The following SMTN variants were observed in gnomAD, a reference collection of about 807,000 sequenced individuals.
The protein encoded by SMTN is smoothelin.
SMTN carries 58 observed loss-of-function variants against 102.0 expected under a neutral mutation model. That is an observed-to-expected ratio of 0.57 (90% CI 0.46 to 0.71). The LOEUF is 0.71. Ranked by LOEUF, SMTN falls within the 30% of genes least tolerant of loss-of-function variation. The probability of loss-of-function intolerance (pLI) is 0.00; values close to 1 mark genes in which losing one functional copy is unlikely to be tolerated. For missense variants in SMTN, 1,185 were observed against 1,241.7 expected (o/e 0.95, Z 0.69); for synonymous variants, 478 against 497.9 (o/e 0.96, Z 0.53).
intron 1 of SMTN, among the ~76,000 whole-genome samples, chr22:31,069,688 C>T (rs1466375001): frequency 2.6e-5 from 4 of 152,202 alleles, no homozygotes; most frequent in East Asian, 3.9e-4. Flanking sequence ...AACGAACTCA[C>T]GGCCACAGGC....
At chr22:31,071,728 C>G (rs1850100438) in intron 1 of SMTN, among the ~76,000 whole-genome samples, 1 of 145,830 alleles carries the variant, frequency 6.9e-6, no homozygotes, top group Admixed American at 6.8e-5. Flanking sequence ...CAGAGTTTCA[C>G]TCTGATACCC....
chr22:31,096,725 C>T lies in SMTN; in HGVS notation c.1862-8C>T. On this transcript the variant is annotated splice_region_variant and splice_polypyrimidine_tract_variant and intron_variant, in intron 13 of 20. Coordinates refer to ENST00000333137, the MANE Select transcript of SMTN (RefSeq NM_134269.3). Reference sequence around the variant, plus strand: ...CTTTTGCGCATGCATGGGGCATCCCCTGCCCAGACCAGCGGGACAAGGAGC... The same window carrying T: ...CTTTTGCGCATGCATGGGGCATCCCTTGCCCAGACCAGCGGGACAAGGAGC... The T allele has an allele frequency of 6.5e-7, 1 of 1,539,058 alleles. No individual in the cohort carries two copies. The highest frequency in any genetic ancestry group is 1.7e-4 in the Middle Eastern group (1 of 5,740).
Position 31,096,715 on chromosome 22 carries a change from G to A in SMTN, c.1862-18G>A. 1 of 1,517,880 alleles carries A rather than the reference G, an allele frequency of 6.6e-7. No individual in the cohort carries two copies. The highest frequency in any genetic ancestry group is 8.8e-7 in the Non-Finnish European group (1 of 1,138,324). 94.0% of individuals were successfully genotyped at this position (1,517,880 alleles called of 1,614,324 possible). On this transcript the variant is annotated intron_variant, in intron 13 of 20. Coordinates refer to ENST00000333137, the MANE Select transcript of SMTN (RefSeq NM_134269.3). ...GTTGGTGGCCCTTTTGCGCATGCATGGGGCATCCCCTGCCCAGACCAGCGG... is the reference window on the plus strand; with the variant it reads ...GTTGGTGGCCCTTTTGCGCATGCATAGGGCATCCCCTGCCCAGACCAGCGG...
chr22:31,091,628 C>A, intron 10 of SMTN, 47 bp from the exon 11 acceptor site: 1 of 1,547,368 alleles, frequency 6.5e-7, no homozygotes, highest in Non-Finnish European at 8.8e-7. Flanking sequence ...CTGGCACTGC[C>A]CTCACTCCAC....
At chr22:31,081,166 AGGGGCGGGGCCTTCCTCTC>A (rs1465402505), upstream of SMTN, among the ~76,000 whole-genome samples, 2 of 150,160 alleles carry the variant, frequency 1.3e-5, no homozygotes, top group Admixed American at 6.6e-5. Context: ...CTGGCCCGCG[AGGGGCGGGGCCTTCCTCTC>A]GGGGCGTGGC....
At position 31,090,798 on chromosome 22, in the gene SMTN, A is replaced by C; in HGVS notation, c.866-10A>C. 1 of 1,611,196 alleles carries C rather than the reference A, an allele frequency of 6.2e-7. No homozygotes were observed. Among genetic ancestry groups the C allele is most frequent in the Non-Finnish European group, 8.5e-7 (1 of 1,177,606 alleles). ...CCCACATGGCCATCACCCCCTCCCC[A>C]ACCTGCCAGACGTGGCTGGACCCCG... is the stretch of plus-strand genomic sequence containing the variant. On this transcript the variant is annotated splice_polypyrimidine_tract_variant and intron_variant, in intron 8 of 20. Coordinates refer to ENST00000333137, the MANE Select transcript of SMTN (RefSeq NM_134269.3).
intron 1 of SMTN, chr22:31,082,844 A>G: frequency 6.6e-7 from 1 of 1,516,726 alleles, no homozygotes; most frequent in Non-Finnish European, 8.9e-7. Context: ...GGTGGTAAGC[A>G]CAGCTTGGGT....
At position 31,081,405 on chromosome 22, in the gene SMTN, T is replaced by G. The variant is rs1352730114; in HGVS notation, c.-132T>G. ...GCGCGTGTCTAATCCGTCTGTCGGGTCCCGAAAGAGCTAAGCCGAGCCTGC... is the reference window on the plus strand; with the variant it reads ...GCGCGTGTCTAATCCGTCTGTCGGGGCCCGAAAGAGCTAAGCCGAGCCTGC... On this transcript the variant is annotated 5_prime_UTR_variant, in exon 1 of 21. Coordinates refer to ENST00000333137, the MANE Select transcript of SMTN (RefSeq NM_134269.3). 6.6e-6 allele frequency: 1 copy of G among 152,006 alleles called. No individual in the cohort carries two copies. The highest frequency in any genetic ancestry group is 1.5e-5 in the Non-Finnish European group (1 of 68,088). The allele number at this position is 152,006 out of a possible 1,614,324, so 9.4% of individuals were successfully genotyped here. A position where few individuals can be genotyped will look rare whatever the true frequency, so the allele number is the denominator to read the frequency against.
In SMTN at chr22:31,104,542, C is replaced by A; in HGVS notation, c.*247C>A. 2 of 1,466,482 alleles carry A rather than the reference C, an allele frequency of 1.4e-6. No individual in the cohort carries two copies. The highest frequency in any genetic ancestry group is 1.9e-6 in the Non-Finnish European group (2 of 1,061,566). 90.8% of individuals were successfully genotyped at this position (1,466,482 alleles called of 1,614,324 possible). On this transcript the variant is annotated 3_prime_UTR_variant, in exon 21 of 21. Transcript: ENST00000333137. ...GGGCACCGTCTCCTGCCTGTGCGTC[C>A]GCCCACCGCTGCCCTGTCTGTTGCG...
intron 2 of SMTN, among the ~76,000 whole-genome samples, chr22:31,086,488 G>A (rs1438757359): frequency 6.7e-6 from 1 of 149,932 alleles, no homozygotes; most frequent in Non-Finnish European, 1.5e-5. Flanking sequence ...CTGATGCCTC[G>A]GGGTATCCTG....
At position 31,095,571 on chromosome 22, in the gene SMTN, T is replaced by G; in HGVS notation, c.1823T>G (p.Ile608Ser). Residue 608 changes from isoleucine to serine, a missense_variant, in exon 13 of 21, where the codon ATC becomes AGC. This residue lies in a region of SMTN where 1,096 missense variants were observed against 1,112.7 expected (regional missense o/e 0.98). Transcript: ENST00000333137. This position sits in a 1 kb window ranked among gnomAD's most constrained non-coding sequence, Gnocchi z 4.1. ...QSTDFEERKL[I>S]RAALRELRQR... is the part of the protein sequence containing the mutation. ...ACGGACTTTGAAGAGCGGAAGCTCA[T>G]CCGGGCTGCACTTCGTGAGCTCCGA... 6.2e-7 allele frequency: 1 copy of G among 1,614,022 alleles called. No individual in the cohort carries two copies. Among genetic ancestry groups the G allele is most frequent in the Non-Finnish European group, 8.5e-7 (1 of 1,179,976 alleles).
chr22:31,075,406 G>A (rs1021479984), intron 1 of SMTN, among the ~76,000 whole-genome samples: 1 of 152,134 alleles, frequency 6.6e-6, no homozygotes, highest in African/African-American at 2.4e-5. Flanking sequence ...AATAGTCTTA[G>A]CCCGGCCAGG....
chr22:31,069,995 A>T (rs946944194), intron 1 of SMTN, among the ~76,000 whole-genome samples: 2 of 152,114 alleles, frequency 1.3e-5, no homozygotes, highest in African/African-American at 4.8e-5. Flanking sequence ...GGAAGTAGGA[A>T]CCACCCCAGG....
At chr22:31,082,857 G>A in intron 1 of SMTN, 1 of 1,530,446 alleles carries the variant, frequency 6.5e-7, no homozygotes, top group Non-Finnish European at 8.8e-7. Context: ...GCTTGGGTGG[G>A]TCTTGCCAGG....
intron 3 of SMTN, 94 bp from the exon 4 acceptor site, chr22:31,088,416 CAAG>C: frequency 2.1e-5 from 23 of 1,101,086 alleles, no homozygotes; most frequent in Admixed American, 1.8e-4. Flanking sequence ...GCCCTTCTGC[CAAG>C]GTTCTGGGTA....
At chr22:31,096,440 A>G in intron 13 of SMTN, 1 of 332,140 alleles carries the variant, frequency 3.0e-6, no homozygotes, top group Non-Finnish European at 5.4e-6. Flanking sequence ...CTCCTGACTT[A>G]GCTACTCATG....
chr22:31,084,437 C>T (rs540014096), intron 2 of SMTN, among the ~76,000 whole-genome samples: 1 of 152,356 alleles, frequency 6.6e-6, no homozygotes, highest in East Asian at 1.9e-4. Flanking sequence ...TGTATGTTCT[C>T]GGACCAGCGC....
chr22:31,100,485 C>A (rs1485462815), intron 19 of SMTN, among the ~76,000 whole-genome samples: 1 of 151,912 alleles, frequency 6.6e-6, no homozygotes, highest in Non-Finnish European at 1.5e-5. Context: ...TCTTCCTCCT[C>A]CCCCCACCTC....
intron 2 of SMTN, among the ~76,000 whole-genome samples, chr22:31,084,609 A>T (rs777701393): frequency 6.6e-5 from 10 of 152,208 alleles, no homozygotes; most frequent in Non-Finnish European, 1.5e-4. Flanking sequence ...GTCCAAAAAG[A>T]GGGAATGCCA....
Sources: allele counts gnomAD v4.1 joint callset (sites outside exome capture counted in the v4.1 genomes callset), GRCh38; gene constraint gnomAD v4.1.1; regional missense constraint gnomAD v4.1.1; non-coding constraint Gnocchi (gnomAD v3.1); transcripts MANE v1.5; gene names NCBI Gene and HGNC (gene_info 2026-07-23, HGNC 2026-07-21).